Variants in DVL3 observed in about 807,000 individuals in gnomAD.
The protein encoded by DVL3 is segment polarity protein dishevelled homolog DVL-3.
In DVL3, 27 loss-of-function variants were observed where a neutral mutation model predicts 67.4. The ratio of observed to expected loss-of-function variants is 0.40; its 90% CI spans 0.30 to 0.55. The LOEUF (loss-of-function observed/expected upper bound fraction) is 0.55. DVL3 is among the 20% of genes least tolerant of loss of function. The pLI is 0.46. For synonymous variants in DVL3, 369 were observed against 396.8 expected (o/e 0.93, Z 0.83); for missense variants, 819 against 1,021.5 (o/e 0.80, Z 2.70).
chr3:184,166,803 A>G lies in DVL3; in HGVS notation c.1049-23A>G. On this transcript the variant is annotated intron_variant, in intron 10 of 14. Coordinates refer to ENST00000313143, the MANE Select transcript of DVL3 (RefSeq NM_004423.4). This position sits in a 1 kb window ranked among gnomAD's most constrained non-coding sequence, Gnocchi z 6.7. ...CAGCAGTGGGTGGGGTGGGTAGCCC[A>G]TGACTCCTCATCCTCCCTGCAGGCG... The G allele has an allele frequency of 1.9e-6, 3 of 1,613,588 alleles. No homozygotes were observed. Among genetic ancestry groups the G allele is most frequent in the Non-Finnish European group, 1.7e-6 (2 of 1,179,784 alleles).
chr3:184,170,286 C>G lies in DVL3; in HGVS notation c.1715-33C>G, dbSNP rs1213343550. The G allele has an allele frequency of 6.3e-7, 1 of 1,593,370 alleles. No homozygotes were observed. Among genetic ancestry groups the G allele is most frequent in the Non-Finnish European group, 8.6e-7 (1 of 1,169,430 alleles). The stretch of plus-strand genomic sequence containing the variant: ...CCCAGGCTTCCCCCGCCCGCTCAGC[C>G]TGCCCCACCCCGGCCCTGTTTGCCT... On this transcript the variant is annotated intron_variant, in intron 14 of 14. Transcript: ENST00000313143. This position sits in a 1 kb window ranked among gnomAD's most constrained non-coding sequence, Gnocchi z 6.5.
chr3:184,164,195 T>A lies in DVL3; in HGVS notation c.232-72T>A. 1.9e-6 allele frequency: 3 copies of A among 1,553,010 alleles called. No individual in the cohort carries two copies. The highest frequency in any genetic ancestry group is 1.8e-6 in the Non-Finnish European group (2 of 1,139,680). ...TCCTTCCTCTTAGGCCTTCATGCCT[T>A]GCTGGAAGTGAACTATCCCCTTCTC... On this transcript the variant is annotated intron_variant, in intron 2 of 14. Coordinates refer to ENST00000313143, the MANE Select transcript of DVL3 (RefSeq NM_004423.4). This position sits in a 1 kb window ranked among gnomAD's most constrained non-coding sequence, Gnocchi z 5.3.
intron 1 of DVL3, among the ~76,000 whole-genome samples, chr3:184,158,548 A>G (rs1208005676): frequency 1.3e-5 from 2 of 152,064 alleles, no homozygotes; most frequent in African/African-American, 4.8e-5. Flanking sequence ...AAAACTGTAG[A>G]GGTGACAAGG....
rs1026553702 is a variant in DVL3, at chr3:184,172,119, A to G, written c.*1364A>G. The stretch of plus-strand genomic sequence containing the variant: ...GGACTCGCCTTGCAACCGACAGGCC[A>G]TTCCCACCCCCACACACAACCTCCC... On this transcript the variant is annotated 3_prime_UTR_variant, in exon 15 of 15. Transcript: ENST00000313143. 2.0e-5 allele frequency: 3 copies of G among 152,456 alleles called. No individual in the cohort carries two copies. Among genetic ancestry groups the G allele is most frequent in the Admixed American group, 2.0e-4 (3 of 15,290 alleles). The allele number at this position is 152,456 out of a possible 1,614,324, so 9.4% of individuals were successfully genotyped here.
chr3:184,162,093 T>G (rs1165960862), intron 1 of DVL3, among the ~76,000 whole-genome samples: 2 of 152,194 alleles, frequency 1.3e-5, no homozygotes, highest in Non-Finnish European at 2.9e-5. Context: ...CTTATAGCAT[T>G]GTTGTATTAA....
intron 1 of DVL3, among the ~76,000 whole-genome samples, chr3:184,161,596 C>T (rs1335407043): frequency 6.6e-6 from 1 of 152,142 alleles, no homozygotes; most frequent in Non-Finnish European, 1.5e-5. Context: ...AACTTTTCCA[C>T]TCCCCTTCCT....
At position 184,155,857 on chromosome 3, in the gene DVL3, C is replaced by G. The variant is rs750975029; in HGVS notation, c.161+61C>G. 1.3e-6 allele frequency: 2 copies of G among 1,534,604 alleles called. No individual in the cohort carries two copies. The highest frequency in any genetic ancestry group is 8.8e-7 in the Non-Finnish European group (1 of 1,138,844). ...GGCCGCTCTGGCTTCTAAGGGATGA[C>G]GCGGTCCGTTTCGACTTGCCTCGCT... On this transcript the variant is annotated intron_variant, in intron 1 of 14. Coordinates refer to ENST00000313143, the MANE Select transcript of DVL3 (RefSeq NM_004423.4). The surrounding 1 kb of genome is among the most constrained non-coding windows in gnomAD (Gnocchi z 5.4).
At position 184,171,383 on chromosome 3, in the gene DVL3, G is replaced by T; in HGVS notation, c.*628G>T. 1 of 999,356 alleles carries T rather than the reference G, an allele frequency of 1.0e-6. No homozygotes were observed. Among genetic ancestry groups the T allele is most frequent in the Non-Finnish European group, 1.2e-6 (1 of 839,544 alleles). The allele number at this position is 999,356 out of a possible 1,614,324, so 61.9% of individuals were successfully genotyped here. A position where few individuals can be genotyped will look rare whatever the true frequency, so the allele number is the denominator to read the frequency against. ...ATCAGAGGCCCAGAGGGCCCCCTCA[G>T]TTGCCTGAGCAGCTGGTGGCTTCCA... is the stretch of plus-strand genomic sequence containing the variant. On this transcript the variant is annotated 3_prime_UTR_variant, in exon 15 of 15. Transcript: ENST00000313143.
In DVL3 at chr3:184,166,670, A is replaced by G; in HGVS notation, c.1045A>G (p.Arg349Gly). The G allele has an allele frequency of 6.2e-7, 1 of 1,614,062 alleles. No individual in the cohort carries two copies. The highest frequency in any genetic ancestry group is 8.5e-7 in the Non-Finnish European group (1 of 1,179,980). Residue 349 changes from arginine (R) to glycine (G), a missense_variant, in exon 10 of 15, where the codon AGG becomes GGG. By Grantham distance (125) the Arg-to-Gly change is moderately radical. Coordinates refer to ENST00000313143, the MANE Select transcript of DVL3 (RefSeq NM_004423.4). The surrounding 1 kb of genome is among the most constrained non-coding windows in gnomAD (Gnocchi z 6.7). ...PSPRGCFTLP[R>G]SEPIRPIDPA... ...TCCACGTGGTTGCTTCACATTGCCCAGGAGTAAGTGGATGGGAGACTCAGT... is the reference window on the plus strand; with the variant it reads ...TCCACGTGGTTGCTTCACATTGCCCGGGAGTAAGTGGATGGGAGACTCAGT...
intron 1 of DVL3, among the ~76,000 whole-genome samples, chr3:184,159,066 C>T (rs1443063404): frequency 1.8e-5 from 2 of 108,388 alleles, no homozygotes; most frequent in Non-Finnish European, 4.1e-5. Context: ...GATGAGCCAC[C>T]GCGCCTGGCC....
chr3:184,170,822 C>T lies in DVL3; in HGVS notation c.*67C>T. The T allele has an allele frequency of 6.3e-7, 1 of 1,590,340 alleles. No homozygotes were observed. The highest frequency in any genetic ancestry group is 8.6e-7 in the Non-Finnish European group (1 of 1,168,938). Reference sequence around the variant, plus strand: ...CGGCTGCGTTCCTCTCTCCATCCGTCCGTCTTTTTTACTTTGTCTGGTACC... The same window carrying T: ...CGGCTGCGTTCCTCTCTCCATCCGTTCGTCTTTTTTACTTTGTCTGGTACC... On this transcript the variant is annotated 3_prime_UTR_variant, in exon 15 of 15. Coordinates refer to ENST00000313143, the MANE Select transcript of DVL3 (RefSeq NM_004423.4). The surrounding 1 kb of genome is among the most constrained non-coding windows in gnomAD (Gnocchi z 6.5).
At position 184,170,986 on chromosome 3, in the gene DVL3, C is replaced by T; in HGVS notation, c.*231C>T. 1 of 1,504,606 alleles carries T rather than the reference C, an allele frequency of 6.6e-7. No homozygotes were observed. The highest frequency in any genetic ancestry group is 8.9e-7 in the Non-Finnish European group (1 of 1,126,844). The allele number at this position is 1,504,606 out of a possible 1,614,324, so 93.2% of individuals were successfully genotyped here. On this transcript the variant is annotated 3_prime_UTR_variant, in exon 15 of 15. Transcript: ENST00000313143. The surrounding 1 kb of genome is among the most constrained non-coding windows in gnomAD (Gnocchi z 6.5). ...CAGTTCGTTTCCTCTGCCCACTAAT[C>T]CCTGCGCAGGACTTCCCAGGACCCC...
Position 184,155,893 on chromosome 3 carries a change from C to A in DVL3, c.161+97C>A. 7.0e-7 allele frequency: 1 copy of A among 1,432,048 alleles called. No individual in the cohort carries two copies. The highest frequency in any genetic ancestry group is 9.4e-7 in the Non-Finnish European group (1 of 1,063,414). 88.7% of individuals were successfully genotyped at this position (1,432,048 alleles called of 1,614,324 possible). On this transcript the variant is annotated intron_variant, in intron 1 of 14. Transcript: ENST00000313143. This position sits in a 1 kb window ranked among gnomAD's most constrained non-coding sequence, Gnocchi z 5.4. ...TCGACTTGCCTCGCTACACCGGCTCCTAGCCCCGCTCTGACTTCTAGGGGC... is the reference window on the plus strand; with the variant it reads ...TCGACTTGCCTCGCTACACCGGCTCATAGCCCCGCTCTGACTTCTAGGGGC...
intron 1 of DVL3, among the ~76,000 whole-genome samples, chr3:184,158,601 G>T (rs1225303630): frequency 6.6e-6 from 1 of 152,024 alleles, no homozygotes; most frequent in Non-Finnish European, 1.5e-5. Context: ...TCAGGCGGAG[G>T]TCAGTGACCC....
chr3:184,168,892 C>T (rs1314301522), intron 13 of DVL3, among the ~76,000 whole-genome samples: 2 of 151,952 alleles, frequency 1.3e-5, no homozygotes, highest in African/African-American at 2.4e-5. Flanking sequence ...TCCCCGGGGG[C>T]GCCAGGATCG....
chr3:184,169,398 C>T (rs774047267), intron 13 of DVL3, among the ~76,000 whole-genome samples: 1 of 152,178 alleles, frequency 6.6e-6, no homozygotes, highest in African/African-American at 2.4e-5. Context: ...AAAATGGCCA[C>T]ATAAGAGTTT....
Position 184,171,047 on chromosome 3 carries a change from C to G in DVL3, c.*292C>G. 3 of 1,336,370 alleles carry G rather than the reference C, an allele frequency of 2.2e-6. No homozygotes were observed. The highest frequency in any genetic ancestry group is 2.9e-6 in the Non-Finnish European group (3 of 1,033,870). The allele number at this position is 1,336,370 out of a possible 1,614,324, so 82.8% of individuals were successfully genotyped here. ...GGGACCAGACTTGTTGGTGCTACCC[C>G]TTACTCCCCTCTGCAACCCCCATTT... On this transcript the variant is annotated 3_prime_UTR_variant, in exon 15 of 15. Transcript: ENST00000313143.
At chr3:184,159,415 G>A (rs1429407635) in intron 1 of DVL3, among the ~76,000 whole-genome samples, 2 of 99,210 alleles carry the variant, frequency 2.0e-5, no homozygotes, top group Non-Finnish European at 4.4e-5. Context: ...CCAGGCTGGG[G>A]TACAGTGGTG....
At chr3:184,156,760 G>T in intron 1 of DVL3, 1 of 286,334 alleles carries the variant, frequency 3.5e-6, no homozygotes, top group Non-Finnish European at 7.0e-6. Context: ...GACTGGGGGA[G>T]GGGGAGGCGC....
Sources: gnomAD v4.1 joint callset for allele counts (sites outside exome capture counted in the v4.1 genomes callset) on GRCh38, gnomAD v4.1.1 for gene constraint, Gnocchi (gnomAD v3.1) non-coding constraint, MANE v1.5 for transcripts, NCBI Gene and HGNC (gene_info 2026-07-23, HGNC 2026-07-21) for gene names.